Variants in BORCS7 observed in about 807,000 individuals in gnomAD.
BORCS7 encodes BLOC-1 related complex subunit 7.
Under a neutral mutation model 17.5 loss-of-function variants are expected in BORCS7, and 20 were observed. That is an observed-to-expected ratio of 1.14 (90% CI 0.80 to 1.66). BORCS7 has a LOEUF of 1.66. Among genes scored for constraint, BORCS7 ranks in the 40% most tolerant of loss-of-function variants. The pLI is 0.00. For missense variants in BORCS7, 122 were observed against 129.7 expected (o/e 0.94, Z 0.29); for synonymous variants, 57 against 49.8 (o/e 1.14, Z -0.61).
At chr10:102,862,087 A>G (rs956342602) in intron 3 of BORCS7, 73 bp from the exon 4 acceptor site, 1 of 1,404,976 alleles carries the variant, frequency 7.1e-7, no homozygotes, top group Admixed American at 1.8e-5. Flanking sequence ...TTCTGCCTAT[A>G]TGTATTATCT....
At chr10:102,861,251 C>T (rs1844515535) in intron 3 of BORCS7, among the ~76,000 whole-genome samples, 1 of 151,726 alleles carries the variant, frequency 6.6e-6, no homozygotes, top group Non-Finnish European at 1.5e-5. Context: ...CCCGTCTCTA[C>T]TAAAGATACA....
At chr10:102,856,982 C>T (rs1844437757) in intron 1 of BORCS7, among the ~76,000 whole-genome samples, 1 of 152,178 alleles carries the variant, frequency 6.6e-6, no homozygotes, top group African/African-American at 2.4e-5. Context: ...ATCTCTCTGC[C>T]TCATTCCCCA....
rs1291130069 is a variant in BORCS7, at chr10:102,862,872, G to T, written c.270-1G>T. The T allele has an allele frequency of 6.2e-7, 1 of 1,603,240 alleles. No homozygotes were observed. The highest frequency in any genetic ancestry group is 8.5e-7 in the Non-Finnish European group (1 of 1,170,214). ...AACCCTGTCTCTATTCTAATTCCTA[G>T]TGTTGAACAGTCATCGGATCTACAG... On this transcript the variant is annotated splice_acceptor_variant, in intron 4 of 4. Coordinates refer to ENST00000339834, the MANE Select transcript of BORCS7 (RefSeq NM_001136200.2). LOFTEE classifies it high-confidence loss of function.
chr10:102,854,989 T>C (rs1844404294), intron 1 of BORCS7, among the ~76,000 whole-genome samples: 1 of 147,560 alleles, frequency 6.8e-6, no homozygotes, highest in Non-Finnish European at 1.5e-5. Flanking sequence ...ATATATATTA[T>C]ATATATTTTC....
chr10:102,854,584 G>T, intron 1 of BORCS7, 157 bp downstream of exon 1: 1 of 886,296 alleles, frequency 1.1e-6, no homozygotes, highest in South Asian at 1.9e-5. Flanking sequence ...GCATTCTGGG[G>T]TGTGCAGTCT....
rs2134102802 is a variant in BORCS7, at chr10:102,864,183, A to G, written c.*1259A>G. 1 of 152,340 alleles carries G rather than the reference A, an allele frequency of 6.6e-6. No homozygotes were observed. The highest frequency in any genetic ancestry group is 6.5e-5 in the Admixed American group (1 of 15,282). 9.4% of individuals were successfully genotyped at this position (152,340 alleles called of 1,614,324 possible). On this transcript the variant is annotated 3_prime_UTR_variant, in exon 5 of 5. Coordinates refer to ENST00000339834, the MANE Select transcript of BORCS7 (RefSeq NM_001136200.2). Reference sequence around the variant, plus strand: ...CATAAGAAAATATTGTTTTCACTGCAGGAATAAAGAGGAAGTAACAGTGAA... The same window carrying G: ...CATAAGAAAATATTGTTTTCACTGCGGGAATAAAGAGGAAGTAACAGTGAA...
chr10:102,859,945 A>G (rs1844490090), intron 1 of BORCS7, among the ~76,000 whole-genome samples: 1 of 152,018 alleles, frequency 6.6e-6, no homozygotes, highest in South Asian at 2.1e-4. Context: ...ACTACTTTCA[A>G]ACAACCCCAA....
At chr10:102,858,750 A>C (rs1019221070) in intron 1 of BORCS7, among the ~76,000 whole-genome samples, 3 of 152,184 alleles carry the variant, frequency 2.0e-5, no homozygotes, top group Non-Finnish European at 4.4e-5. Context: ...TATTGTTTTG[A>C]CTTTAGACAT....
In BORCS7 at chr10:102,863,764, G is replaced by C. The variant is rs1259760414; in HGVS notation, c.*840G>C. On this transcript the variant is annotated 3_prime_UTR_variant, in exon 5 of 5. Transcript: ENST00000339834. Reference sequence around the variant, plus strand: ...GGAGATACGTGTTTTATTTGTGATAGCAAATTCCTAAATGAACATTAGGCA... The same window carrying C: ...GGAGATACGTGTTTTATTTGTGATACCAAATTCCTAAATGAACATTAGGCA... 2.0e-5 allele frequency: 3 copies of C among 152,104 alleles called. No individual in the cohort carries two copies. The highest frequency in any genetic ancestry group is 6.5e-5 in the Admixed American group (1 of 15,274). The allele number at this position is 152,104 out of a possible 1,614,324, so 9.4% of individuals were successfully genotyped here.
At chr10:102,855,486 TATTTTGTTTG>T (rs1844411903) in intron 1 of BORCS7, among the ~76,000 whole-genome samples, 1 of 152,202 alleles carries the variant, frequency 6.6e-6, no homozygotes, top group Non-Finnish European at 1.5e-5. Flanking sequence ...TCCACATAGC[TATTTTGTTTG>T]ATTAGCTGAG....
chr10:102,857,039 A>G (rs573325408), intron 1 of BORCS7, among the ~76,000 whole-genome samples: 24 of 152,172 alleles, frequency 1.6e-4, no homozygotes, highest in Non-Finnish European at 2.9e-4. Context: ...AAAATGGATC[A>G]TGCCATTTTT....
intron 1 of BORCS7, among the ~76,000 whole-genome samples, chr10:102,855,082 T>C (rs1453295531): frequency 6.6e-6 from 1 of 150,474 alleles, no homozygotes; most frequent in Non-Finnish European, 1.5e-5. Flanking sequence ...GCATTTTATA[T>C]ATGCTAGACA....
chr10:102,855,936 GT>G (rs1221135888), intron 1 of BORCS7, among the ~76,000 whole-genome samples: 1 of 151,754 alleles, frequency 6.6e-6, no homozygotes, highest in African/African-American at 2.4e-5. Flanking sequence ...TAATTTTTGT[GT>G]TTTTAGTAGA....
intron 1 of BORCS7, among the ~76,000 whole-genome samples, chr10:102,859,252 C>T (rs550678084): frequency 5.1e-4 from 78 of 151,696 alleles, no homozygotes; most frequent in African/African-American, 1.7e-3. Flanking sequence ...AAGAGATTCT[C>T]CTGCCTCAGC....
At chr10:102,856,190 G>A (rs889891884) in intron 1 of BORCS7, among the ~76,000 whole-genome samples, 27 of 152,182 alleles carry the variant, frequency 1.8e-4, no homozygotes, top group African/African-American at 5.3e-4. Flanking sequence ...TCTCTTGCAT[G>A]CCTGCGCTTC....
At chr10:102,860,657 G>A in intron 3 of BORCS7, 116 bp downstream of exon 3, 2 of 1,120,788 alleles carry the variant, frequency 1.8e-6, no homozygotes, top group African/African-American at 1.5e-5. Flanking sequence ...TAAAGGTGGG[G>A]GTGGCCAAGG....
intron 1 of BORCS7, among the ~76,000 whole-genome samples, chr10:102,857,536 A>G (rs530690904): frequency 3.3e-5 from 5 of 152,164 alleles, no homozygotes; most frequent in Admixed American, 1.3e-4. Flanking sequence ...CAAAATTAAA[A>G]CCCCACAGTC....
chr10:102,856,206 C>T (rs1287810855), intron 1 of BORCS7, among the ~76,000 whole-genome samples: 3 of 152,108 alleles, frequency 2.0e-5, no homozygotes, highest in African/African-American at 7.2e-5. Context: ...GCTTCTCCTC[C>T]TCCATTTGAG....
rs1844389016 is a variant in BORCS7 at position 102,854,349 on chromosome 10, C to T, written c.63C>T (p.Leu21=). The stretch of plus-strand genomic sequence containing the variant: ...TCGGTCAGTCCGTGAAGGGGCTTCT[C>T]ACGGAGAAGGTGACCACCTGTGGTA... ...ARFGQSVKGL[L]TEKVTTCGTD... Residue 21 remains leucine (L), a synonymous_variant, in exon 1 of 5, where the codon CTC becomes CTT. Coordinates refer to ENST00000339834, the MANE Select transcript of BORCS7 (RefSeq NM_001136200.2). 2 of 1,591,352 alleles carry T rather than the reference C, an allele frequency of 1.3e-6. No individual in the cohort carries two copies. The highest frequency in any genetic ancestry group is 1.3e-5 in the African/African-American group (1 of 74,702).
Sources: allele counts gnomAD v4.1 joint callset (sites outside exome capture counted in the v4.1 genomes callset), GRCh38; gene constraint gnomAD v4.1.1; transcripts MANE v1.5; gene names NCBI Gene and HGNC (gene_info 2026-07-23, HGNC 2026-07-21).